CACNA1H: variants seen among roughly 807,000 people sequenced by gnomAD.
CACNA1H encodes the protein calcium voltage-gated channel subunit alpha1 H, also known as voltage-dependent T-type calcium channel subunit alpha-1H.
A neutral mutation model predicts 192.5 loss-of-function variants in CACNA1H; 149 were observed. The observed-to-expected ratio is 0.77, with a 90% CI of 0.68 to 0.89. CACNA1H has a LOEUF of 0.89. Ranked by LOEUF, CACNA1H falls within the 40% of genes least tolerant of loss-of-function variation. CACNA1H has a pLI of 0.00. For missense variants in CACNA1H, 4,257 were observed against 3,423.5 expected (o/e 1.24, Z -6.08); for synonymous variants, 2,202 against 1,475.2 (o/e 1.49, Z -11.29).
At chr16:1,164,491 C>T (rs1963553710) in intron 2 of CACNA1H, among the ~76,000 whole-genome samples, 1 of 152,204 alleles carries the variant, frequency 6.6e-6, no homozygotes, top group African/African-American at 2.4e-5. Flanking sequence ...GCCACCACGC[C>T]GGGCCTCATA....
rs60534546 is a variant in CACNA1H, at chr16:1,204,345, G to T, written c.2338G>T (p.Val780Phe). 515 of 1,584,816 alleles carry T rather than the reference G, an allele frequency of 3.2e-4. No individual in the cohort carries two copies. Among genetic ancestry groups the T allele is most frequent in the Non-Finnish European group, 3.7e-4 (431 of 1,165,234 alleles). The change falls in exon 10 of 35, where the codon GTT becomes TTT. Residue 780 changes from valine (V) to phenylalanine (F), a missense_variant. Coordinates refer to ENST00000348261, the MANE Select transcript of CACNA1H (RefSeq NM_021098.3). ...GEPGWMGRLWVTFSGKLRRIV... is the reference protein window; with the variant it reads ...GEPGWMGRLWFTFSGKLRRIV... ...GCCAGGCTGGATGGGCCGCCTCTGG[G>T]TTACCTTCAGCGGCAAGCTGCGCCG...
At position 1,215,548 on chromosome 16, in the gene CACNA1H, G is replaced by A. The variant is rs750113325; in HGVS notation, c.5199G>A (p.Thr1733=). 1.2e-4 allele frequency: 191 copies of A among 1,611,712 alleles called. 1 individual carries two copies. The highest frequency in any genetic ancestry group is 1.2e-4 in the Non-Finnish European group (145 of 1,179,550). The change falls in exon 30 of 35, where the codon ACG becomes ACA. Residue 1733 remains threonine, a synonymous_variant. Coordinates refer to ENST00000348261, the MANE Select transcript of CACNA1H (RefSeq NM_021098.3). ...TGCTGAAGCTGCTGAAGATGGCTAC[G>A]GGCATGCGCGCCCTGCTGGACACTG... ...ARVLKLLKMA[T]GMRALLDTVV... is the part of the protein sequence containing the mutation.
chr16:1,197,511 G>A (rs780228006), intron 5 of CACNA1H, among the ~76,000 whole-genome samples: 9 of 152,156 alleles, frequency 5.9e-5, no homozygotes, highest in Non-Finnish European at 1.3e-4. Context: ...GAGAACTAGG[G>A]AACTCTTCCA....
intron 2 of CACNA1H, among the ~76,000 whole-genome samples, chr16:1,189,111 G>T (rs1306091659): frequency 6.7e-6 from 1 of 148,646 alleles, no homozygotes; most frequent in East Asian, 1.9e-4. Context: ...GGCTGCCTTT[G>T]TTCCAGGGTC....
chr16:1,187,174 G>A (rs141047046), intron 2 of CACNA1H, among the ~76,000 whole-genome samples: 8 of 152,378 alleles, frequency 5.3e-5, no homozygotes, highest in Admixed American at 2.0e-4. Flanking sequence ...GAAAAGTAAG[G>A]TTGAGCGTTC....
At position 1,211,809 on chromosome 16, in the gene CACNA1H, C is replaced by G. The variant is rs199968897; in HGVS notation, c.4566+4C>G. The G allele has an allele frequency of 1.2e-6, 2 of 1,612,344 alleles. No individual in the cohort carries two copies. Among genetic ancestry groups the G allele is most frequent in the Non-Finnish European group, 1.7e-6 (2 of 1,179,584 alleles). Reference sequence around the variant, plus strand: ...TGCCGTGGGTGTCGACCAGCAGGTGCGCACAGGCGGGTCGAGCTGGGTCAC... The same window carrying G: ...TGCCGTGGGTGTCGACCAGCAGGTGGGCACAGGCGGGTCGAGCTGGGTCAC... On this transcript the variant is annotated splice_donor_region_variant and intron_variant, in intron 24 of 34. Coordinates refer to ENST00000348261, the MANE Select transcript of CACNA1H (RefSeq NM_021098.3).
At chr16:1,176,024 G>A (rs770279200) in intron 2 of CACNA1H, among the ~76,000 whole-genome samples, 9 of 152,186 alleles carry the variant, frequency 5.9e-5, no homozygotes, top group Admixed American at 2.0e-4. Context: ...AACCCCGTTC[G>A]TGGAGGCGCC....
In CACNA1H at chr16:1,198,638, C is replaced by T. The variant is rs1967293173; in HGVS notation, c.667C>T (p.Leu223=). The T allele has an allele frequency of 3.1e-6, 5 of 1,613,298 alleles. No homozygotes were observed. Among genetic ancestry groups the T allele is most frequent in the African/African-American group, 1.3e-5 (1 of 75,008 alleles). ...VPSMRILVTL[L]LDTLPMLGNV... is the part of the protein sequence containing the mutation. Reference sequence around the variant, plus strand: ...AGGCATGCGGATCCTGGTCACTCTGCTGCTGGATACGCTGCCCATGCTCGG... The same window carrying T: ...AGGCATGCGGATCCTGGTCACTCTGTTGCTGGATACGCTGCCCATGCTCGG... The change falls in exon 6 of 35, where the codon CTG becomes TTG. Residue 223 remains leucine (L), a synonymous_variant. Transcript: ENST00000348261.
chr16:1,156,193 A>G (rs952554653), intron 2 of CACNA1H, among the ~76,000 whole-genome samples: 2 of 152,148 alleles, frequency 1.3e-5, no homozygotes, highest in African/African-American at 2.4e-5. Context: ...TGGCTCTCCC[A>G]GCTCCAAACG....
At position 1,221,697 on chromosome 16, in the gene CACNA1H, G is replaced by C; in HGVS notation, c.*703G>C. On this transcript the variant is annotated 3_prime_UTR_variant, in exon 35 of 35. Coordinates refer to ENST00000348261, the MANE Select transcript of CACNA1H (RefSeq NM_021098.3). ...TTCAGGTTAAATGTTGCAATAATCTGATGCAGAAGACTCAGCTTCTCAAGG... is the reference window on the plus strand; with the variant it reads ...TTCAGGTTAAATGTTGCAATAATCTCATGCAGAAGACTCAGCTTCTCAAGG... 1 of 1,260,002 alleles carries C rather than the reference G, an allele frequency of 7.9e-7. No individual in the cohort carries two copies. Among genetic ancestry groups the C allele is most frequent in the Non-Finnish European group, 1.1e-6 (1 of 922,236 alleles). The allele number at this position is 1,260,002 out of a possible 1,614,324, so 78.1% of individuals were successfully genotyped here. A position where few individuals can be genotyped will look rare whatever the true frequency, so the allele number is the denominator to read the frequency against.
chr16:1,207,772 C>A lies in CACNA1H; in HGVS notation c.3066C>A (p.Gly1022=). 6.3e-7 allele frequency: 1 copy of A among 1,594,196 alleles called. No homozygotes were observed. Among genetic ancestry groups the A allele is most frequent in the Non-Finnish European group, 8.5e-7 (1 of 1,170,950 alleles). Residue 1022 remains glycine, a splice_region_variant and synonymous_variant, in exon 15 of 35, where the codon GGC becomes GGA. Coordinates refer to ENST00000348261, the MANE Select transcript of CACNA1H (RefSeq NM_021098.3). ...AILVEGFQAE[G]DANRSDTDED... is the part of the protein sequence containing the mutation. ...GCCTTGTGCTTTGTTGGGTTTAGGG[C>A]GATGCCAACAGATCCGACACGGACG... is the stretch of plus-strand genomic sequence containing the variant.
intron 2 of CACNA1H, among the ~76,000 whole-genome samples, chr16:1,164,328 G>A (rs186010001): frequency 5.3e-5 from 8 of 152,270 alleles, no homozygotes; most frequent in East Asian, 3.9e-4. Context: ...TGTCCTGTAC[G>A]TACTGTTTTT....
chr16:1,189,073 G>A (rs981684545), intron 2 of CACNA1H, among the ~76,000 whole-genome samples: 9 of 152,194 alleles, frequency 5.9e-5, no homozygotes, highest in Admixed American at 4.6e-4. Flanking sequence ...GAAGGGGAGC[G>A]CTTACTGCCG....
Position 1,198,550 on chromosome 16 carries a change from G to A in CACNA1H, c.644-65G>A, listed in dbSNP as rs918739056. The A allele has an allele frequency of 1.1e-5, 17 of 1,571,042 alleles. No individual in the cohort carries two copies. The African/African-American group carries it at 1.9e-4, about 17-fold the overall frequency. On this transcript the variant is annotated intron_variant, in intron 5 of 34. Coordinates refer to ENST00000348261, the MANE Select transcript of CACNA1H (RefSeq NM_021098.3). The stretch of plus-strand genomic sequence containing the variant: ...GACGGGGCTCGGGGGTCCCGGGAGG[G>A]GCTGCAGCCCCGAGGACACTCCTGC...
intron 2 of CACNA1H, chr16:1,160,091 C>G (rs1218827904): frequency 6.6e-6 from 1 of 152,268 alleles, no homozygotes; most frequent in Non-Finnish European, 1.5e-5. Context: ...TGAGTCCAAG[C>G]CACGGTCGCA....
chr16:1,186,075 G>A (rs1966015269), intron 2 of CACNA1H, among the ~76,000 whole-genome samples: 1 of 111,498 alleles, frequency 9.0e-6, no homozygotes, highest in Admixed American at 8.4e-5. Context: ...GGCCGGAGGC[G>A]GGGTGTGTAC....
At position 1,207,161 on chromosome 16, in the gene CACNA1H, G is replaced by A. The variant is rs947969789; in HGVS notation, c.2907+43G>A. ...CGCAGCAGTGTTGGGTGCTGAGTGT[G>A]GTCCCCAGAGAGGTGGAGGTGCCGT... is the stretch of plus-strand genomic sequence containing the variant. On this transcript the variant is annotated intron_variant, in intron 13 of 34. Coordinates refer to ENST00000348261, the MANE Select transcript of CACNA1H (RefSeq NM_021098.3). 23 of 1,552,026 alleles carry A rather than the reference G, an allele frequency of 1.5e-5. No homozygotes were observed. In the African/African-American group the frequency reaches 2.7e-4, roughly 18 times the overall value.
chr16:1,206,567 G>T, intron 12 of CACNA1H: 4 of 497,628 alleles, frequency 8.0e-6, no homozygotes, highest in Non-Finnish European at 1.1e-5. Flanking sequence ...TACCGGGGGT[G>T]GGGGCAGGCA....
At chr16:1,154,794 T>G (rs984040431) in intron 2 of CACNA1H, among the ~76,000 whole-genome samples, 10 of 151,788 alleles carry the variant, frequency 6.6e-5, no homozygotes, top group African/African-American at 2.2e-4. Context: ...CAGAACAGAG[T>G]TGGGTCAGGG....
Sources: gnomAD v4.1 joint callset for allele counts (sites outside exome capture counted in the v4.1 genomes callset) on GRCh38, gnomAD v4.1.1 for gene constraint, MANE v1.5 for transcripts, NCBI Gene and HGNC (gene_info 2026-07-23, HGNC 2026-07-21) for gene names.